RBPMS: variants seen among roughly 807,000 people sequenced by gnomAD.
The protein encoded by RBPMS is RNA-binding protein with multiple splicing.
A neutral mutation model predicts 26.8 loss-of-function variants in RBPMS; 7 were observed. That is an observed-to-expected ratio of 0.26 (90% CI 0.15 to 0.49). RBPMS has a LOEUF of 0.49. Among genes scored for constraint, RBPMS ranks in the 20% least tolerant of loss-of-function variants. RBPMS has a pLI of 0.98. For missense variants in RBPMS, 186 were observed against 250.0 expected, an observed-to-expected ratio of 0.74 and a Z score of 1.73; for synonymous variants, 96 against 93.3, an observed-to-expected ratio of 1.03 and a Z score of -0.17.
At chr8:30,455,503 G>T (rs575530248) in intron 1 of RBPMS, among the ~76,000 whole-genome samples, 1 of 152,274 alleles carries the variant, frequency 6.6e-6, no homozygotes, top group East Asian at 1.9e-4. Context: ...AAAAGAATTG[G>T]GGCAGTGGGG....
chr8:30,516,516 C>A (rs1025193441), intron 5 of RBPMS, among the ~76,000 whole-genome samples: 1 of 152,178 alleles, frequency 6.6e-6, no homozygotes, highest in African/African-American at 2.4e-5. Flanking sequence ...GGATAACATA[C>A]CAGCCGTTCA....
chr8:30,497,503 G>A (rs1225354050), intron 4 of RBPMS, among the ~76,000 whole-genome samples: 2 of 152,126 alleles, frequency 1.3e-5, no homozygotes, highest in Non-Finnish European at 2.9e-5. Context: ...CCAAAATCAT[G>A]CCACTGCACT....
rs117849938 is a variant in RBPMS at position 30,422,307 on chromosome 8, G to A, written c.66+37149G>A. ...ATTTTGTATTTTTAATTTAGATAGG[G>A]TTTCGCCAGTTGGCCAGGCTGGTCT... On this transcript the variant is annotated intron_variant, in intron 1 of 8. Coordinates refer to ENST00000397323, the MANE Select transcript of RBPMS (RefSeq NM_001008710.3). 2.1e-3 allele frequency among the ~76,000 whole-genome samples: 320 copies of A among 151,918 alleles called. 5 individuals carry two copies. The highest frequency in any genetic ancestry group is 0.018 in the East Asian group (93 of 5,136).
At chr8:30,477,405 A>C (rs1415050898) in intron 2 of RBPMS, among the ~76,000 whole-genome samples, 2 of 152,208 alleles carry the variant, frequency 1.3e-5, no homozygotes, top group African/African-American at 4.8e-5. Flanking sequence ...CATGACCAAT[A>C]CATGGCTCTG....
chr8:30,549,457 A>G (rs755707351), intron 6 of RBPMS: 6 of 1,514,542 alleles, frequency 4.0e-6, no homozygotes, highest in Non-Finnish European at 3.7e-6. Flanking sequence ...CATAAATGAA[A>G]TTGTTAATCC....
chr8:30,555,601 G>A (rs373159671), intron 6 of RBPMS, among the ~76,000 whole-genome samples: 5 of 152,192 alleles, frequency 3.3e-5, no homozygotes, highest in Admixed American at 6.5e-5. Context: ...GTACACATAC[G>A]TTTTCTGCAC....
intron 5 of RBPMS, among the ~76,000 whole-genome samples, chr8:30,507,245 GA>G (rs997255929): frequency 3.1e-4 from 47 of 152,134 alleles, no homozygotes; most frequent in African/African-American, 1.0e-3. Flanking sequence ...ACCTTTAAGA[GA>G]AAAAAATTTT....
intron 2 of RBPMS, among the ~76,000 whole-genome samples, chr8:30,475,234 G>C (rs886309806): frequency 3.3e-5 from 5 of 152,174 alleles, no homozygotes; most frequent in Non-Finnish European, 4.4e-5. Context: ...AGGATACCTA[G>C]GTGTAAGTTG....
rs896704490 is a variant in RBPMS at position 30,411,754 on chromosome 8, C to T, written c.66+26596C>T. 7.9e-5 allele frequency among the ~76,000 whole-genome samples: 12 copies of T among 151,250 alleles called. No homozygotes were observed. The East Asian group carries it at 2.3e-3, about 29-fold the overall frequency. On this transcript the variant is annotated intron_variant, in intron 1 of 8. Transcript: ENST00000397323. Reference sequence around the variant, plus strand: ...ATCCCAGCACTTTGGGACGCCAAGGCGGGTGGATCACGAGGTCAGGAGTTC... The same window carrying T: ...ATCCCAGCACTTTGGGACGCCAAGGTGGGTGGATCACGAGGTCAGGAGTTC...
intron 4 of RBPMS, among the ~76,000 whole-genome samples, chr8:30,489,727 G>T (rs1490698846): frequency 6.6e-6 from 1 of 152,236 alleles, no homozygotes; most frequent in Non-Finnish European, 1.5e-5. Context: ...ACAGGCGTGA[G>T]CCACCGTGCC....
chr8:30,536,721 T>A (rs924634283), intron 5 of RBPMS, among the ~76,000 whole-genome samples: 3 of 152,258 alleles, frequency 2.0e-5, no homozygotes, highest in Non-Finnish European at 4.4e-5. Context: ...ACTTTTTTTA[T>A]GTTAGAAGAA....
chr8:30,529,752 CTTT>C (rs34005902), intron 5 of RBPMS, among the ~76,000 whole-genome samples: 23 of 140,680 alleles, frequency 1.6e-4, no homozygotes, highest in Non-Finnish European at 1.6e-4. Flanking sequence ...GAACTTCATC[CTTT>C]TTTTTTTTTT....
Position 30,522,324 on chromosome 8 carries a change from AAACAACAACAAC to A in RBPMS, c.397+17906_397+17917del, listed in dbSNP as rs144638380. ...GCAACAAGAAAGAAACTCCACCTCA[AAACAACAACAAC>A]AACAACAACAACAACAAACCATGTG... On this transcript the variant is annotated intron_variant, in intron 5 of 8. Transcript: ENST00000397323. Among the ~76,000 whole-genome samples the A allele has an allele frequency of 8.3e-3, 1,256 of 151,020 alleles. 23 individuals are homozygous for A. The highest frequency in any genetic ancestry group is 0.028 in the African/African-American group (1,164 of 41,122).
At chr8:30,440,355 C>T (rs79062423) in intron 1 of RBPMS, among the ~76,000 whole-genome samples, 1 of 152,156 alleles carries the variant, frequency 6.6e-6, no homozygotes, top group South Asian at 2.1e-4. Context: ...CCCACATCCA[C>T]CCCACCTCTA....
intron 1 of RBPMS, among the ~76,000 whole-genome samples, chr8:30,423,598 G>A (rs1811043240): frequency 6.7e-6 from 1 of 149,238 alleles, no homozygotes. Flanking sequence ...TTCTGCTTGT[G>A]TCTCAGGACC....
intron 6 of RBPMS, chr8:30,556,591 A>G (rs967581302): frequency 3.3e-4 from 325 of 986,312 alleles, no homozygotes; most frequent in Non-Finnish European, 3.7e-4. Context: ...AGGCCGCACC[A>G]GTCACACCAC....
At chr8:30,561,251 G>A (rs550662156) in intron 7 of RBPMS, among the ~76,000 whole-genome samples, 4 of 152,182 alleles carry the variant, frequency 2.6e-5, no homozygotes, top group South Asian at 2.1e-4. Flanking sequence ...CCAGAATTTT[G>A]TAAGTCCATG....
chr8:30,465,990 C>T (rs547659887), intron 1 of RBPMS, among the ~76,000 whole-genome samples: 1 of 152,270 alleles, frequency 6.6e-6, no homozygotes, highest in South Asian at 2.1e-4. Context: ...CATCATTGTT[C>T]TTCTCTCTTC....
At chr8:30,451,544 CCAAA>C (rs1814591741) in intron 1 of RBPMS, among the ~76,000 whole-genome samples, 1 of 152,166 alleles carries the variant, frequency 6.6e-6, no homozygotes. Flanking sequence ...CCCCTGCACC[CCAAA>C]CAGTTTTCTC....
Sources: allele counts gnomAD v4.1 joint callset (sites outside exome capture counted in the v4.1 genomes callset), GRCh38; gene constraint gnomAD v4.1.1; transcripts MANE v1.5; gene names NCBI Gene and HGNC (gene_info 2026-07-23, HGNC 2026-07-21).